CDH4: variants seen among roughly 807,000 people sequenced by gnomAD.
The protein encoded by CDH4 is cadherin-4.
A neutral mutation model predicts 86.0 loss-of-function variants in CDH4; 33 were observed. The observed-to-expected ratio is 0.38, with a 90% CI of 0.29 to 0.51. CDH4 has a LOEUF of 0.51. Among genes scored for constraint, CDH4 ranks in the 20% least tolerant of loss-of-function variants. The pLI, the probability that CDH4 is intolerant of heterozygous loss-of-function variation, is 0.86. For missense variants in CDH4, 1,114 were observed against 1,307.4 expected (o/e 0.85, Z 2.28); for synonymous variants, 555 against 549.4 (o/e 1.01, Z -0.14).
In CDH4 at chr20:61,937,029, C is replaced by A; in HGVS notation, c.*86C>A. On this transcript the variant is annotated 3_prime_UTR_variant, in exon 16 of 16. Transcript: ENST00000614565. ...GAGCAGAGGCGGCCGGTCTTCCCGACTCCCTGCGGCTGTGTCCTTAGTGCT... is the reference window on the plus strand; with the variant it reads ...GAGCAGAGGCGGCCGGTCTTCCCGAATCCCTGCGGCTGTGTCCTTAGTGCT... 1 of 1,184,784 alleles carries A rather than the reference C, an allele frequency of 8.4e-7. No homozygotes were observed. The highest frequency in any genetic ancestry group is 1.2e-6 in the Non-Finnish European group (1 of 861,468). The allele number at this position is 1,184,784 out of a possible 1,614,324, so 73.4% of individuals were successfully genotyped here.
intron 8 of CDH4, among the ~76,000 whole-genome samples, chr20:61,906,883 A>G (rs2054795368): frequency 6.6e-6 from 1 of 151,834 alleles, no homozygotes; most frequent in Non-Finnish European, 1.5e-5. Flanking sequence ...ATCTCTGGAG[A>G]GGGCTCAGGG....
intron 4 of CDH4, 71 bp downstream of exon 4, chr20:61,773,253 A>C: frequency 7.2e-7 from 1 of 1,397,134 alleles, no homozygotes; most frequent in Non-Finnish European, 9.5e-7. Flanking sequence ...CGACATCCCA[A>C]AGCCAGGGGC....
intron 4 of CDH4, among the ~76,000 whole-genome samples, chr20:61,792,635 A>G (rs1241150842): frequency 1.3e-5 from 2 of 151,608 alleles, no homozygotes; most frequent in Non-Finnish European, 2.9e-5. Flanking sequence ...TCTTTAGATG[A>G]TGCTGTGTGT....
intron 6 of CDH4, among the ~76,000 whole-genome samples, chr20:61,861,402 A>C (rs1477017802): frequency 6.6e-6 from 1 of 152,288 alleles, no homozygotes; most frequent in East Asian, 1.9e-4. Flanking sequence ...CGCATACAAC[A>C]TGAGGAAGTG....
At chr20:61,644,237 G>T (rs1195404373) in intron 2 of CDH4, among the ~76,000 whole-genome samples, 1 of 152,216 alleles carries the variant, frequency 6.6e-6, no homozygotes, top group African/African-American at 2.4e-5. Context: ...CCAGAAGAGG[G>T]CCCAGAGGAG....
chr20:61,873,694 G>A, intron 6 of CDH4, 34 bp from the exon 7 acceptor site: 1 of 1,599,098 alleles, frequency 6.3e-7, no homozygotes, highest in Non-Finnish European at 8.5e-7. Context: ...TGTGTGGCAG[G>A]CCATCCCCAT....
rs1156647464 is a variant in CDH4, at chr20:61,811,730, G to A, written c.577-32938G>A. Among the ~76,000 whole-genome samples, 2 of 147,838 alleles carry A rather than the reference G, an allele frequency of 1.4e-5. No homozygotes were observed. Among genetic ancestry groups the A allele is most frequent in the South Asian group, 2.2e-4 (1 of 4,602 alleles). ...TGGCACCCCCAGGCTGGAGTGCAGTGCCACGATCTCCACTCACTGCAACCT... is the reference window on the plus strand; with the variant it reads ...TGGCACCCCCAGGCTGGAGTGCAGTACCACGATCTCCACTCACTGCAACCT... On this transcript the variant is annotated intron_variant, in intron 4 of 15. Coordinates refer to ENST00000614565, the MANE Select transcript of CDH4 (RefSeq NM_001794.5). This position sits in a 1 kb window ranked among gnomAD's most constrained non-coding sequence, Gnocchi z 4.4.
At chr20:61,861,716 G>A (rs1402343659) in intron 6 of CDH4, among the ~76,000 whole-genome samples, 2 of 152,190 alleles carry the variant, frequency 1.3e-5, no homozygotes, top group African/African-American at 2.4e-5. Flanking sequence ...ACGTTGTCAC[G>A]AGGTGGCTGC....
chr20:61,928,242 C>T lies in CDH4; in HGVS notation c.1824C>T (p.Ile608=). ...CCCTCCAGATCTATCTCATTGACAT[C>T]AACGACAACGCCCCTGAGCTGCTGC... The part of the protein sequence containing the change: ...TGTLQIYLID[I]NDNAPELLPK... Residue 608 remains isoleucine (I), a synonymous_variant, in exon 12 of 16, where the codon ATC becomes ATT. Coordinates refer to ENST00000614565, the MANE Select transcript of CDH4 (RefSeq NM_001794.5). 1 of 1,606,402 alleles carries T rather than the reference C, an allele frequency of 6.2e-7. No individual in the cohort carries two copies.
intron 2 of CDH4, among the ~76,000 whole-genome samples, chr20:61,351,877 A>G (rs1322826220): frequency 2.0e-5 from 3 of 151,914 alleles, no homozygotes; most frequent in Non-Finnish European, 2.9e-5. Flanking sequence ...CCACCATACC[A>G]GGCTAATTTT....
rs1266987795 is a variant in CDH4, at chr20:61,754,795, C to CCA, written c.396+11014_396+11015dup. The stretch of plus-strand genomic sequence containing the variant: ...ACACACACCACACACACACTGCACG[C>CCA]CACACACACCACACACACGATGCAT... On this transcript the variant is annotated intron_variant, in intron 3 of 15. Transcript: ENST00000614565. This position sits in a 1 kb window ranked among gnomAD's most constrained non-coding sequence, Gnocchi z 4.7. Among the ~76,000 whole-genome samples, 10 of 149,234 alleles carry CCA rather than the reference C, an allele frequency of 6.7e-5. No individual in the cohort carries two copies. Among genetic ancestry groups the CCA allele is most frequent in the African/African-American group, 2.2e-4 (9 of 40,298 alleles).
chr20:61,858,472 T>C (rs1983166125), intron 6 of CDH4, among the ~76,000 whole-genome samples: 1 of 151,908 alleles, frequency 6.6e-6, no homozygotes, highest in African/African-American at 2.4e-5. Context: ...TGTGTCTCTG[T>C]GTCTGTGTCT....
At chr20:61,367,621 C>T (rs1036413439) in intron 2 of CDH4, among the ~76,000 whole-genome samples, 7 of 151,410 alleles carry the variant, frequency 4.6e-5, no homozygotes, top group Non-Finnish European at 1.0e-4. Context: ...CCAGAATAAA[C>T]AGGAGCCCCG....
chr20:61,458,720 G>A (rs780096235), intron 2 of CDH4, among the ~76,000 whole-genome samples: 3 of 151,902 alleles, frequency 2.0e-5, no homozygotes, highest in Non-Finnish European at 2.9e-5. Flanking sequence ...TGATGAAGAC[G>A]GTGATGTGGT....
rs148185562 is a variant in CDH4, at chr20:61,754,714, GCA to G, written c.396+10933_396+10934del. 7.4e-3 allele frequency among the ~76,000 whole-genome samples: 913 copies of G among 123,568 alleles called. 9 individuals are homozygous for G. Among genetic ancestry groups the G allele is most frequent in the African/African-American group, 0.027 (875 of 32,422 alleles). The allele number at this position is 123,568 out of a possible 152,430, so 81.1% of individuals were successfully genotyped here. Reference sequence around the variant, plus strand: ...ACACACAGTGCATGCCACACACACCGCACACACACTGCACGCCCCGCACACAC... The same window carrying G: ...ACACACAGTGCATGCCACACACACCGCACACACTGCACGCCCCGCACACAC... On this transcript the variant is annotated intron_variant, in intron 3 of 15. Coordinates refer to ENST00000614565, the MANE Select transcript of CDH4 (RefSeq NM_001794.5). The surrounding 1 kb of genome is among the most constrained non-coding windows in gnomAD (Gnocchi z 4.7).
intron 2 of CDH4, among the ~76,000 whole-genome samples, chr20:61,661,414 C>G (rs186398036): frequency 1.7e-4 from 25 of 150,474 alleles, no homozygotes; most frequent in Admixed American, 5.9e-4. Flanking sequence ...AACTAAGTCT[C>G]TGTTAGAACA....
chr20:61,860,415 C>T (rs930558156), intron 6 of CDH4, among the ~76,000 whole-genome samples: 12 of 152,228 alleles, frequency 7.9e-5, no homozygotes, highest in African/African-American at 2.9e-4. Flanking sequence ...CCAAATCAGC[C>T]ATGTCTGAAC....
chr20:61,906,930 G>A (rs952150144), intron 8 of CDH4, among the ~76,000 whole-genome samples: 5 of 152,216 alleles, frequency 3.3e-5, no homozygotes, highest in African/African-American at 4.8e-5. Context: ...TCAGATCTCC[G>A]GGGTCAGGGG....
At position 61,863,911 on chromosome 20, in the gene CDH4, A is replaced by G. The variant is rs79544050; in HGVS notation, c.878-9817A>G. On this transcript the variant is annotated intron_variant, in intron 6 of 15. Coordinates refer to ENST00000614565, the MANE Select transcript of CDH4 (RefSeq NM_001794.5). Reference sequence around the variant, plus strand: ...CCCAGCCTTACCAGCATGGGTTTCCAGACACTGCCTGCCTCAGCTTCAGCT... The same window carrying G: ...CCCAGCCTTACCAGCATGGGTTTCCGGACACTGCCTGCCTCAGCTTCAGCT... Among the ~76,000 whole-genome samples the G allele has an allele frequency of 2.1e-3, 319 of 151,412 alleles. 2 individuals are homozygous for G. The highest frequency in any genetic ancestry group is 7.4e-3 in the African/African-American group (305 of 41,362).
Sources: allele counts gnomAD v4.1 joint callset (sites outside exome capture counted in the v4.1 genomes callset), GRCh38; gene constraint gnomAD v4.1.1; non-coding constraint Gnocchi (gnomAD v3.1); transcripts MANE v1.5; gene names NCBI Gene and HGNC (gene_info 2026-07-23, HGNC 2026-07-21).